Variants in PTPRT observed in about 807,000 individuals in gnomAD.
PTPRT encodes receptor-type tyrosine-protein phosphatase T.
In PTPRT, 56 loss-of-function variants were observed where a neutral mutation model predicts 176.8. That is an observed-to-expected ratio of 0.32 (90% CI 0.26 to 0.40). The LOEUF (loss-of-function observed/expected upper bound fraction) is 0.40. Ranked by LOEUF, PTPRT falls within the 10% of genes least tolerant of loss-of-function variation. The pLI is 1.00. For synonymous variants in PTPRT, 783 were observed against 739.0 expected, an observed-to-expected ratio of 1.06 and a Z score of -0.96; for missense variants, 1,540 against 1,908.2, an observed-to-expected ratio of 0.81 and a Z score of 3.60.
intron 9 of PTPRT, among the ~76,000 whole-genome samples, chr20:42,411,430 T>A (rs8118149): frequency 0.14 from 20,817 of 145,972 alleles, 1,571 homozygotes; most frequent in African/African-American, 0.19. Context: ...GGCAGGAGAA[T>A]CACTTGAACC....
At chr20:42,868,416 G>A (rs1239933292) in intron 2 of PTPRT, among the ~76,000 whole-genome samples, 1 of 152,148 alleles carries the variant, frequency 6.6e-6, no homozygotes, top group Non-Finnish European at 1.5e-5. Flanking sequence ...TTTCTGAAAG[G>A]GAGAACTTGC....
chr20:42,707,054 A>G (rs1304295691), intron 6 of PTPRT, among the ~76,000 whole-genome samples: 2 of 152,212 alleles, frequency 1.3e-5, no homozygotes, highest in Non-Finnish European at 2.9e-5. Flanking sequence ...AAAAGCCAGG[A>G]AGAGGCAAGG....
At chr20:42,299,835 G>C (rs2057436017) in intron 12 of PTPRT, among the ~76,000 whole-genome samples, 1 of 151,576 alleles carries the variant, frequency 6.6e-6, no homozygotes, top group Non-Finnish European at 1.5e-5. Flanking sequence ...TTTTAGTAGA[G>C]ATGGGGTTTC....
At chr20:42,409,481 CAAAAAAAAAAAAAAAAAAAAAAAAAAA>C (rs58932390) in intron 9 of PTPRT, among the ~76,000 whole-genome samples, 2 of 112,142 alleles carry the variant, frequency 1.8e-5, no homozygotes, top group African/African-American at 7.3e-5. Context: ...GACTCTGTCG[CAAAAAAAAAAAAAAAAAAAAAAAAAAA>C]AAAAAAAAAA....
chr20:42,455,411 G>A (rs1194506355), intron 8 of PTPRT, among the ~76,000 whole-genome samples: 1 of 152,040 alleles, frequency 6.6e-6, no homozygotes, highest in Non-Finnish European at 1.5e-5. Flanking sequence ...TCTTATGAGT[G>A]TGTCCTGAGA....
chr20:43,054,564 A>AGG (rs139112407), intron 1 of PTPRT, among the ~76,000 whole-genome samples: 1 of 143,618 alleles, frequency 7.0e-6, no homozygotes, highest in East Asian at 2.0e-4. Flanking sequence ...CAAAAAAAGA[A>AGG]GGGGAAAAAA....
chr20:42,529,090 C>G (rs1463737233), intron 7 of PTPRT, among the ~76,000 whole-genome samples: 1 of 152,162 alleles, frequency 6.6e-6, no homozygotes, highest in Middle Eastern at 3.2e-3. Flanking sequence ...ACAGAAACGA[C>G]CTTTTAAATT....
intron 18 of PTPRT, among the ~76,000 whole-genome samples, chr20:42,131,482 A>G (rs1393798734): frequency 1.3e-5 from 2 of 152,252 alleles, no homozygotes; most frequent in Non-Finnish European, 2.9e-5. Flanking sequence ...AATTTTTAAA[A>G]TATAAAATGA....
intron 7 of PTPRT, among the ~76,000 whole-genome samples, chr20:42,659,797 C>A (rs769758678): frequency 2.6e-5 from 4 of 152,114 alleles, no homozygotes; most frequent in Non-Finnish European, 5.9e-5. Flanking sequence ...CGCTGCTTAA[C>A]CTTCAAATAA....
intron 2 of PTPRT, among the ~76,000 whole-genome samples, chr20:42,824,189 T>C (rs1222323772): frequency 6.6e-6 from 1 of 151,930 alleles, no homozygotes; most frequent in Non-Finnish European, 1.5e-5. Flanking sequence ...ATGGAAATTA[T>C]CACAAAAATA....
At chr20:42,937,739 G>C (rs1232313821) in intron 1 of PTPRT, among the ~76,000 whole-genome samples, 1 of 152,176 alleles carries the variant, frequency 6.6e-6, no homozygotes, top group East Asian at 1.9e-4. Flanking sequence ...CTTGGTAAAA[G>C]TGTTTTTACA....
At chr20:42,563,899 G>A (rs1165714419) in intron 7 of PTPRT, among the ~76,000 whole-genome samples, 3 of 152,186 alleles carry the variant, frequency 2.0e-5, no homozygotes, top group Non-Finnish European at 4.4e-5. Context: ...TCGTGTCACA[G>A]TCAAAAATGA....
intron 9 of PTPRT, among the ~76,000 whole-genome samples, chr20:42,442,888 C>T (rs1178420711): frequency 2.6e-5 from 4 of 152,112 alleles, no homozygotes; most frequent in Non-Finnish European, 4.4e-5. Flanking sequence ...AGTGCCTGTC[C>T]GCAATTGCGA....
chr20:42,885,741 C>T (rs906493933), intron 2 of PTPRT, 66 bp downstream of exon 2: 3 of 1,549,112 alleles, frequency 1.9e-6, no homozygotes, highest in South Asian at 1.1e-5. Context: ...GTAAGTTCTT[C>T]CCCCCATGAT....
At chr20:42,589,878 C>A (rs1568999491) in intron 7 of PTPRT, among the ~76,000 whole-genome samples, 2 of 152,092 alleles carry the variant, frequency 1.3e-5, no homozygotes, top group African/African-American at 4.8e-5. Flanking sequence ...ATTATATTTT[C>A]CAAAGATGGT....
At chr20:42,988,160 G>A (rs1005196696) in intron 1 of PTPRT, among the ~76,000 whole-genome samples, 5 of 152,142 alleles carry the variant, frequency 3.3e-5, no homozygotes, top group Admixed American at 2.0e-4. Context: ...AAGGCTGTGT[G>A]TCCTGTTTAT....
chr20:42,735,968 A>G (rs577851570), intron 6 of PTPRT, among the ~76,000 whole-genome samples: 1 of 152,218 alleles, frequency 6.6e-6, no homozygotes, highest in East Asian at 1.9e-4. Flanking sequence ...TAAGAATCAT[A>G]ATAATTTTGG....
At chr20:42,942,294 G>A (rs1186837406) in intron 1 of PTPRT, among the ~76,000 whole-genome samples, 1 of 152,200 alleles carries the variant, frequency 6.6e-6, no homozygotes, top group African/African-American at 2.4e-5. Context: ...CAACAGGAAA[G>A]GTAGGTCATT....
chr20:42,146,450 A>C (rs1345679226), intron 17 of PTPRT, among the ~76,000 whole-genome samples: 2 of 152,176 alleles, frequency 1.3e-5, no homozygotes, highest in Admixed American at 1.3e-4. Context: ...CATTAGCTTA[A>C]GGTCTCTTTA....
Sources: gnomAD v4.1 joint callset for allele counts (sites outside exome capture counted in the v4.1 genomes callset) on GRCh38, gnomAD v4.1.1 for gene constraint, MANE v1.5 for transcripts, NCBI Gene and HGNC (gene_info 2026-07-23, HGNC 2026-07-21) for gene names.